Variants in FGF12 observed in about 807,000 individuals in gnomAD.
FGF12 encodes the protein fibroblast growth factor 12B.
FGF12 carries 14 observed loss-of-function variants against 23.6 expected under a neutral mutation model. The observed-to-expected ratio is 0.59, with a 90% confidence interval of 0.39 to 0.93. The LOEUF (loss-of-function observed/expected upper bound fraction) is 0.93, where lower values mean the gene tolerates loss of function less well. Ranked by LOEUF, FGF12 falls within the 40% of genes least tolerant of loss-of-function variation. FGF12 has a pLI of 0.00. For synonymous variants in FGF12, 62 were observed against 77.3 expected (o/e 0.80, Z 1.04); for missense variants, 175 against 217.8 (o/e 0.80, Z 1.24).
intron 2 of FGF12, chr3:192,516,511 A>T (rs1244956244): frequency 6.6e-6 from 1 of 152,208 alleles, no homozygotes; most frequent in Non-Finnish European, 1.5e-5. Context: ...CTGGCTCCCT[A>T]ACACTTGAAA....
chr3:192,616,524 C>G (rs1165781613), intron 2 of FGF12, among the ~76,000 whole-genome samples: 1 of 152,040 alleles, frequency 6.6e-6, no homozygotes, highest in East Asian at 1.9e-4. Flanking sequence ...GAGGCATAGA[C>G]TCTCAGAATT....
chr3:192,145,686 T>C (rs2108578440), intron 5 of FGF12, among the ~76,000 whole-genome samples: 1 of 152,350 alleles, frequency 6.6e-6, no homozygotes, highest in South Asian at 2.1e-4. Flanking sequence ...TTTCAATTAC[T>C]GCACGGATGG....
chr3:192,538,519 T>C (rs1484581631), intron 2 of FGF12, among the ~76,000 whole-genome samples: 1 of 152,236 alleles, frequency 6.6e-6, no homozygotes, highest in African/African-American at 2.4e-5. Flanking sequence ...TTTGGTACTA[T>C]AGCTCTGTAG....
chr3:192,155,318 T>C (rs1000720738), intron 5 of FGF12, among the ~76,000 whole-genome samples: 3 of 152,228 alleles, frequency 2.0e-5, no homozygotes, highest in Non-Finnish European at 4.4e-5. Flanking sequence ...CTGTTCCTAT[T>C]CGGCCGTCTT....
intron 5 of FGF12, among the ~76,000 whole-genome samples, chr3:192,160,122 A>T (rs925687883): frequency 3.3e-5 from 5 of 152,148 alleles, no homozygotes; most frequent in African/African-American, 1.2e-4. Context: ...AAATAAATTC[A>T]AAGTCATTCT....
intron 2 of FGF12, among the ~76,000 whole-genome samples, chr3:192,403,019 T>C (rs945923996): frequency 4.6e-5 from 7 of 152,182 alleles, no homozygotes; most frequent in Non-Finnish European, 7.3e-5. Context: ...AATAATTCTA[T>C]ACATCAAAAG....
At chr3:192,429,843 A>T (rs367911121) in intron 2 of FGF12, among the ~76,000 whole-genome samples, 15 of 152,284 alleles carry the variant, frequency 9.9e-5, no homozygotes, top group African/African-American at 3.6e-4. Context: ...TCAAGGAAAA[A>T]CAATAAGGTA....
intron 2 of FGF12, among the ~76,000 whole-genome samples, chr3:192,524,753 C>T (rs1724901139): frequency 6.6e-6 from 1 of 152,172 alleles, no homozygotes; most frequent in Non-Finnish European, 1.5e-5. Flanking sequence ...CATTATTTTT[C>T]TATCCTCTCT....
rs926908180 is a variant in FGF12 at position 192,408,899 on chromosome 3, C to T, written c.14-48361G>A. ...AGGGTGAGGTCTACAGAATGCATCG[C>T]GCCGGCTGCGGCTTTCCAGGGGCCG... On this transcript the variant is annotated intron_variant, in intron 2 of 5. Coordinates refer to ENST00000445105, the MANE Select transcript of FGF12 (RefSeq NM_004113.6). The surrounding 1 kb of genome is among the most constrained non-coding windows in gnomAD (Gnocchi z 7.3). 3 of 985,258 alleles carry T rather than the reference C, an allele frequency of 3.0e-6. No homozygotes were observed. Among genetic ancestry groups the T allele is most frequent in the Non-Finnish European group, 3.6e-6 (3 of 829,956 alleles). The allele number at this position is 985,258 out of a possible 1,614,324, so 61.0% of individuals were successfully genotyped here. A position where few individuals can be genotyped will look rare whatever the true frequency, so the allele number is the denominator to read the frequency against.
intron 2 of FGF12, chr3:192,515,543 A>C (rs561577742): frequency 1.5e-3 from 230 of 152,296 alleles, no homozygotes; most frequent in Non-Finnish European, 2.4e-3. Context: ...TCTCCCCGTC[A>C]ATCTGGGTGG....
intron 2 of FGF12, among the ~76,000 whole-genome samples, chr3:192,448,415 G>C (rs886380988): frequency 5.9e-5 from 9 of 152,206 alleles, no homozygotes; most frequent in East Asian, 5.8e-4. Flanking sequence ...TGTCAAATGT[G>C]TGAGTTATTG....
intron 4 of FGF12, among the ~76,000 whole-genome samples, chr3:192,235,774 G>A (rs1241804974): frequency 6.6e-6 from 1 of 152,066 alleles, no homozygotes; most frequent in East Asian, 1.9e-4. Flanking sequence ...CTACCAAGTG[G>A]TCTATCAATC....
intron 5 of FGF12, among the ~76,000 whole-genome samples, chr3:192,145,107 C>T (rs940103569): frequency 2.0e-5 from 3 of 151,546 alleles, no homozygotes; most frequent in African/African-American, 4.9e-5. Context: ...TACCGATTTG[C>T]GAACCATGCT....
In FGF12 at chr3:192,674,209, G is replaced by T. The variant is rs368599999; in HGVS notation, c.13+52972C>A. Among the ~76,000 whole-genome samples, 128 of 138,602 alleles carry T rather than the reference G, an allele frequency of 9.2e-4. 2 individuals carry two copies. Among genetic ancestry groups the T allele is most frequent in the African/African-American group, 2.7e-3 (111 of 40,520 alleles). The allele number at this position is 138,602 out of a possible 152,430, so 90.9% of individuals were successfully genotyped here. On this transcript the variant is annotated intron_variant, in intron 2 of 5. Transcript: ENST00000445105. ...TATGTACCATAGACTTGGGTCAGCT[G>T]CTTTGTATCTAATCAAAACACCATG...
chr3:192,467,403 T>C (rs1723042481), intron 2 of FGF12, among the ~76,000 whole-genome samples: 1 of 152,192 alleles, frequency 6.6e-6, no homozygotes, highest in South Asian at 2.1e-4. Context: ...TTTACTCTTT[T>C]GTTAGTTTCC....
At chr3:192,614,229 T>C (rs1412294973) in intron 2 of FGF12, among the ~76,000 whole-genome samples, 1 of 151,928 alleles carries the variant, frequency 6.6e-6, no homozygotes, top group Non-Finnish European at 1.5e-5. Context: ...AGGGTCAACA[T>C]TTTCTATAGT....
chr3:192,147,868 T>A (rs534297100), intron 5 of FGF12, among the ~76,000 whole-genome samples: 6 of 152,318 alleles, frequency 3.9e-5, no homozygotes, highest in Admixed American at 3.9e-4. Context: ...AGATTTAAGT[T>A]GGCCTTAACT....
intron 2 of FGF12, among the ~76,000 whole-genome samples, chr3:192,668,586 C>T (rs1418301860): frequency 2.6e-5 from 4 of 152,108 alleles, no homozygotes; most frequent in African/African-American, 7.2e-5. Flanking sequence ...ACAGGGTCTG[C>T]GTGGTACACA....
intron 2 of FGF12, 131 bp downstream of exon 2, chr3:192,727,050 G>A: frequency 8.7e-7 from 1 of 1,147,514 alleles, no homozygotes. Flanking sequence ...GTGCTGCAAT[G>A]GACATAGCAT....
Sources: allele counts gnomAD v4.1 joint callset (sites outside exome capture counted in the v4.1 genomes callset), GRCh38; gene constraint gnomAD v4.1.1; non-coding constraint Gnocchi (gnomAD v3.1); transcripts MANE v1.5; gene names NCBI Gene and HGNC (gene_info 2026-07-23, HGNC 2026-07-21).